The following FAM228B variants were observed in gnomAD, a reference collection of about 807,000 sequenced individuals.
The protein encoded by FAM228B is family with sequence similarity 228 member B, also known as protein FAM228B.
In FAM228B, 38 loss-of-function variants were observed where a neutral mutation model predicts 42.6. The ratio of observed to expected loss-of-function variants is 0.89; its 90% CI spans 0.69 to 1.17. The LOEUF (loss-of-function observed/expected upper bound fraction) is 1.17. Among genes scored for constraint, FAM228B ranks in the 50% most tolerant of loss-of-function variants. The pLI is 0.00. For missense variants in FAM228B, 344 were observed against 367.3 expected, an observed-to-expected ratio of 0.94 and a Z score of 0.52; for synonymous variants, 109 against 122.3, an observed-to-expected ratio of 0.89 and a Z score of 0.72.
intron 9 of FAM228B, 44 bp from the exon 10 acceptor site, chr2:24,167,583 A>C: frequency 6.4e-7 from 1 of 1,550,860 alleles, no homozygotes; most frequent in Non-Finnish European, 8.7e-7. Context: ...TAATATGGCC[A>C]GTCTCGTATA....
At chr2:24,146,607 T>G (rs1359190299) in intron 5 of FAM228B, 141 bp from the exon 6 acceptor site, 2 of 554,638 alleles carry the variant, frequency 3.6e-6, no homozygotes, top group Non-Finnish European at 6.3e-6. Flanking sequence ...ATAAATATAA[T>G]GGTAAGCCTG....
Position 24,155,433 on chromosome 2 carries a change from A to G in FAM228B, c.687-6073A>G, listed in dbSNP as rs530817550. Among the ~76,000 whole-genome samples the G allele has an allele frequency of 6.8e-5, 10 of 146,186 alleles. No individual in the cohort carries two copies. The East Asian group carries it at 1.6e-3, about 24-fold the overall frequency. On this transcript the variant is annotated intron_variant, in intron 7 of 10. Coordinates refer to ENST00000615575, the MANE Select transcript of FAM228B (RefSeq NM_001145710.2). Reference sequence around the variant, plus strand: ...TGTTTGCGGGTGACTGGCTTCTTCTATGAGCCCTTTTACTGAATCTTAGTC... The same window carrying G: ...TGTTTGCGGGTGACTGGCTTCTTCTGTGAGCCCTTTTACTGAATCTTAGTC...
intron 2 of FAM228B, among the ~76,000 whole-genome samples, chr2:24,129,768 C>CT (rs1558383765): frequency 6.6e-6 from 1 of 151,798 alleles, no homozygotes; most frequent in Admixed American, 6.6e-5. Context: ...TCCTTGTCTT[C>CT]TTTTTTTCAG....
At chr2:24,122,733 T>A (rs1393244413), upstream of FAM228B, 3 of 471,888 alleles carry the variant, frequency 6.4e-6, no homozygotes, top group South Asian at 4.2e-5. Flanking sequence ...AACAGAATCA[T>A]AGAAAAATCA....
At chr2:24,085,355 A>T (rs1009064362) in intron 2 of FAM228B, 2 of 152,162 alleles carry the variant, frequency 1.3e-5, no homozygotes, top group Admixed American at 1.3e-4. Flanking sequence ...CGTAAGCTAC[A>T]TGAAGGTTTC....
intron 7 of FAM228B, among the ~76,000 whole-genome samples, chr2:24,151,072 T>C (rs1432377445): frequency 6.6e-6 from 1 of 152,208 alleles, no homozygotes; most frequent in African/African-American, 2.4e-5. Flanking sequence ...ATTTGCACTT[T>C]TGAGGCTATT....
rs926281022 is a variant in FAM228B, at chr2:24,169,021, T to C, written c.*15-335T>C. Among the ~76,000 whole-genome samples the C allele has an allele frequency of 1.3e-5, 2 of 152,192 alleles. No homozygotes were observed. Among genetic ancestry groups the C allele is most frequent in the Non-Finnish European group, 1.5e-5 (1 of 68,024 alleles). Reference sequence around the variant, plus strand: ...AGAAAGGAACCTAGTATTTTCTAAATCACAACAATCCAAGTGGAAATTAGT... The same window carrying C: ...AGAAAGGAACCTAGTATTTTCTAAACCACAACAATCCAAGTGGAAATTAGT... On this transcript the variant is annotated intron_variant, in intron 10 of 10. Transcript: ENST00000615575. The surrounding 1 kb of genome is among the most constrained non-coding windows in gnomAD (Gnocchi z 4.2).
chr2:24,115,623 C>T (rs777158237), intron 3 of FAM228B: 1 of 1,612,244 alleles, frequency 6.2e-7, no homozygotes, highest in Non-Finnish European at 8.5e-7. Flanking sequence ...TGAAAGCAAA[C>T]ACAGCATGGT....
At chr2:24,083,230 A>G in intron 2 of FAM228B, 1 of 1,467,816 alleles carries the variant, frequency 6.8e-7, no homozygotes. Context: ...CCCTTCCAAG[A>G]TCCCCTCTTT....
At chr2:24,083,688 TCAG>T (rs1191237107) in intron 2 of FAM228B, among the ~76,000 whole-genome samples, 1 of 152,144 alleles carries the variant, frequency 6.6e-6, no homozygotes, top group Non-Finnish European at 1.5e-5. Flanking sequence ...GGTCAGTAAA[TCAG>T]CATCAGACAG....
At chr2:24,162,109 A>G (rs1490168143) in intron 8 of FAM228B, among the ~76,000 whole-genome samples, 1 of 152,210 alleles carries the variant, frequency 6.6e-6, no homozygotes, top group Non-Finnish European at 1.5e-5. Flanking sequence ...AAAAACAAAC[A>G]AACAAAAAAA....
chr2:24,168,952 C>T (rs371213436), intron 10 of FAM228B, among the ~76,000 whole-genome samples: 15 of 152,004 alleles, frequency 9.9e-5, no homozygotes, highest in Non-Finnish European at 2.2e-4. Context: ...CAGCTGATCG[C>T]GAGGCACAGA....
intron 2 of FAM228B, chr2:24,085,670 A>G (rs1665221060): frequency 6.6e-6 from 1 of 152,036 alleles, no homozygotes; most frequent in Non-Finnish European, 1.5e-5. Flanking sequence ...TTTTCCATCC[A>G]CTGACCCCCT....
At chr2:24,158,195 C>CATTTTTTTTTTTT (rs1558394536) in intron 7 of FAM228B, among the ~76,000 whole-genome samples, 1 of 2,376 alleles carries the variant, frequency 4.2e-4, no homozygotes, top group Non-Finnish European at 1.2e-3. Context: ...CTCTGAACCT[C>CATTTTTTTTTTTT]CTTTTTTTTT....
intron 7 of FAM228B, among the ~76,000 whole-genome samples, chr2:24,160,118 T>C (rs1256661249): frequency 6.6e-6 from 1 of 151,956 alleles, no homozygotes. Context: ...GCTCCCCAAG[T>C]AGATGGGACT....
intron 5 of FAM228B, among the ~76,000 whole-genome samples, chr2:24,139,965 G>A (rs1573769566): frequency 6.6e-6 from 1 of 152,104 alleles, no homozygotes; most frequent in Non-Finnish European, 1.5e-5. Context: ...CAAAATATAA[G>A]TATATAATTT....
At position 24,104,489 on chromosome 2, in the gene FAM228B, C is replaced by T. The variant is rs558144265; in HGVS notation, c.-121+9260C>T. Among the ~76,000 whole-genome samples, 8 of 152,350 alleles carry T rather than the reference C, an allele frequency of 5.3e-5. No homozygotes were observed. The South Asian group carries it at 1.2e-3, about 24-fold the overall frequency. On this transcript the variant is annotated intron_variant, in intron 3 of 10. Transcript: ENST00000613899. ...CAACACCAGCCTCTAGCCCAGTAGTCTCACTTCAGCCTGAACTCGGCCAGC... is the reference window on the plus strand; with the variant it reads ...CAACACCAGCCTCTAGCCCAGTAGTTTCACTTCAGCCTGAACTCGGCCAGC...
intron 2 of FAM228B, among the ~76,000 whole-genome samples, chr2:24,126,956 G>T (rs1443290105): frequency 1.3e-5 from 2 of 152,110 alleles, no homozygotes; most frequent in African/African-American, 4.8e-5. Context: ...GTACAATTCA[G>T]TGTTTTTTAT....
rs890525022 is a variant in FAM228B at position 24,116,297 on chromosome 2, C to T, written c.-120-18822C>T. ...GAGCTGACATCCCACCACAGCACTC[C>T]AGCCTGAGCGACAGAGCGAAATTCT... On this transcript the variant is annotated intron_variant, in intron 3 of 10. Transcript: ENST00000613899. Among the ~76,000 whole-genome samples, 5 of 152,010 alleles carry T rather than the reference C, an allele frequency of 3.3e-5. No individual in the cohort carries two copies. In the East Asian group the frequency reaches 7.8e-4, roughly 24 times the overall value.
Sources: allele counts gnomAD v4.1 joint callset (sites outside exome capture counted in the v4.1 genomes callset), GRCh38; gene constraint gnomAD v4.1.1; non-coding constraint Gnocchi (gnomAD v3.1); transcripts MANE v1.5; gene names NCBI Gene and HGNC (gene_info 2026-07-23, HGNC 2026-07-21).